Variants in ZFPM2 observed in about 807,000 individuals in gnomAD.
ZFPM2 encodes zinc finger protein, FOG family member 2.
Under a neutral mutation model 98.6 loss-of-function variants are expected in ZFPM2, and 20 were observed. The ratio of observed to expected loss-of-function variants is 0.20; its 90% CI spans 0.14 to 0.29. The LOEUF is 0.29. Among genes scored for constraint, ZFPM2 ranks in the 10% least tolerant of loss-of-function variants. The pLI is 1.00. For synonymous variants in ZFPM2, 518 were observed against 502.7 expected, an observed-to-expected ratio of 1.03 and a Z score of -0.41; for missense variants, 1,310 against 1,388.6, an observed-to-expected ratio of 0.94 and a Z score of 0.90.
At chr8:105,372,035 ATTATTATTATTATTT>A (rs995625809) in intron 1 of ZFPM2, among the ~76,000 whole-genome samples, 2 of 63,278 alleles carry the variant, frequency 3.2e-5, no homozygotes, top group African/African-American at 1.1e-4. Flanking sequence ...TATTATTATT[ATTATTATTATTATTT>A]TATTTTTTTT....
At chr8:105,707,854 G>A (rs1811298621) in intron 5 of ZFPM2, among the ~76,000 whole-genome samples, 1 of 152,106 alleles carries the variant, frequency 6.6e-6, no homozygotes, top group African/African-American at 2.4e-5. Context: ...GGAGAGTAGA[G>A]GCACCTTACC....
At chr8:105,769,158 T>C (rs1344002592) in intron 5 of ZFPM2, among the ~76,000 whole-genome samples, 1 of 152,166 alleles carries the variant, frequency 6.6e-6, no homozygotes, top group Non-Finnish European at 1.5e-5. Context: ...TTTTGTTTAC[T>C]GTCTATCCTC....
chr8:105,325,449 C>CT (rs1421682525), intron 1 of ZFPM2, among the ~76,000 whole-genome samples: 1 of 151,690 alleles, frequency 6.6e-6, no homozygotes, highest in Non-Finnish European at 1.5e-5. Context: ...TTGTCTCTTG[C>CT]TTGTAGGGAT....
chr8:105,482,539 A>T (rs533183679), intron 3 of ZFPM2, among the ~76,000 whole-genome samples: 3 of 152,176 alleles, frequency 2.0e-5, no homozygotes, highest in East Asian at 3.9e-4. Context: ...GTCAACTTTT[A>T]AAAAATGTCT....
At chr8:105,638,072 ACTCT>A (rs142249930) in intron 5 of ZFPM2, among the ~76,000 whole-genome samples, 19,319 of 150,720 alleles carry the variant, frequency 0.13, 1,254 homozygotes, top group South Asian at 0.21. Context: ...TTGTCCCCAA[ACTCT>A]CTCTCTCTAT....
chr8:105,391,575 G>A (rs566858424), intron 1 of ZFPM2, among the ~76,000 whole-genome samples: 17 of 151,768 alleles, frequency 1.1e-4, no homozygotes, highest in African/African-American at 2.4e-4. Context: ...CTTATGCGTC[G>A]TCAATAATGT....
rs1813856496 is a variant in ZFPM2, at chr8:105,513,459, T to G, written c.302-47904T>G. 2.0e-5 allele frequency among the ~76,000 whole-genome samples: 3 copies of G among 152,308 alleles called. No homozygotes were observed. In the South Asian group the frequency reaches 6.2e-4, roughly 32 times the overall value. Reference sequence around the variant, plus strand: ...GGGGGAAAAGTCCCTTTCTTTCAGATCTCATGTACATCATCACGTCAGTAG... The same window carrying G: ...GGGGGAAAAGTCCCTTTCTTTCAGAGCTCATGTACATCATCACGTCAGTAG... On this transcript the variant is annotated intron_variant, in intron 3 of 7. Coordinates refer to ENST00000407775, the MANE Select transcript of ZFPM2 (RefSeq NM_012082.4).
At chr8:105,474,117 G>T (rs1264373241) in intron 3 of ZFPM2, among the ~76,000 whole-genome samples, 1 of 152,172 alleles carries the variant, frequency 6.6e-6, no homozygotes, top group Non-Finnish European at 1.5e-5. Context: ...CGAGGTTCTT[G>T]ACTACTGGAT....
At chr8:105,697,440 C>T (rs909639611) in intron 5 of ZFPM2, among the ~76,000 whole-genome samples, 3 of 152,070 alleles carry the variant, frequency 2.0e-5, no homozygotes, top group Admixed American at 6.6e-5. Context: ...TTAAAGACAG[C>T]TTATTAAAGG....
chr8:105,325,131 G>A (rs1003987091), intron 1 of ZFPM2, among the ~76,000 whole-genome samples: 5 of 151,782 alleles, frequency 3.3e-5, no homozygotes, highest in Non-Finnish European at 7.4e-5. Context: ...CTGCCACTGT[G>A]TAAAATTATC....
chr8:105,492,368 A>G (rs938177144), intron 3 of ZFPM2, among the ~76,000 whole-genome samples: 2 of 152,198 alleles, frequency 1.3e-5, no homozygotes, highest in Admixed American at 1.3e-4. Flanking sequence ...AATTGCTGCC[A>G]AAATCCCAGA....
At chr8:105,443,927 T>G (rs938384645) in intron 2 of ZFPM2, among the ~76,000 whole-genome samples, 14 of 152,172 alleles carry the variant, frequency 9.2e-5, no homozygotes, top group African/African-American at 3.4e-4. Context: ...AAAGTTATAA[T>G]TTGGAAATCA....
chr8:105,613,360 T>TATGAGTAATTACTATTAGAGTA (rs1816346246), intron 4 of ZFPM2, among the ~76,000 whole-genome samples: 1 of 151,872 alleles, frequency 6.6e-6, no homozygotes, highest in African/African-American at 2.4e-5. Context: ...TTATAGAAAA[T>TATGAGTAATTACTATTAGAGTA]ATGAGTAATT....
chr8:105,634,945 G>T (rs932678879), intron 5 of ZFPM2, among the ~76,000 whole-genome samples: 7 of 152,168 alleles, frequency 4.6e-5, no homozygotes, highest in Non-Finnish European at 8.8e-5. Context: ...CCCAGACTGT[G>T]TCATGTAGCT....
Position 105,526,661 on chromosome 8 carries a change from G to T in ZFPM2, c.302-34702G>T, listed in dbSNP as rs192029905. Among the ~76,000 whole-genome samples the T allele has an allele frequency of 2.0e-5, 3 of 152,226 alleles. No homozygotes were observed. In the South Asian group the frequency reaches 6.2e-4, roughly 32 times the overall value. ...AAAATCAGTATCCAACAAGCCACACGGTTGGGTAAAACGCTGATGGAAAAC... is the reference window on the plus strand; with the variant it reads ...AAAATCAGTATCCAACAAGCCACACTGTTGGGTAAAACGCTGATGGAAAAC... On this transcript the variant is annotated intron_variant, in intron 3 of 7. Transcript: ENST00000407775.
intron 5 of ZFPM2, among the ~76,000 whole-genome samples, chr8:105,663,656 G>A (rs1309565950): frequency 6.6e-6 from 1 of 152,172 alleles, no homozygotes; most frequent in Non-Finnish European, 1.5e-5. Context: ...CTCATTGAAT[G>A]TATGCGTCAG....
chr8:105,422,845 CAT>C (rs1434497303), intron 2 of ZFPM2, among the ~76,000 whole-genome samples: 1 of 152,088 alleles, frequency 6.6e-6, no homozygotes, highest in Non-Finnish European at 1.5e-5. Context: ...TAAAACCAAT[CAT>C]ATGTTATCAT....
chr8:105,592,401 A>T (rs1421117443), intron 4 of ZFPM2, among the ~76,000 whole-genome samples: 2 of 152,182 alleles, frequency 1.3e-5, no homozygotes, highest in African/African-American at 4.8e-5. Flanking sequence ...TTGAAACCCC[A>T]AAGTCTTTCA....
chr8:105,326,526 T>G (rs1042120891), intron 1 of ZFPM2, among the ~76,000 whole-genome samples: 1 of 151,738 alleles, frequency 6.6e-6, no homozygotes, highest in Admixed American at 6.6e-5. Context: ...CAATGCCATA[T>G]TCATTCCAAG....
Sources: allele counts gnomAD v4.1 joint callset (sites outside exome capture counted in the v4.1 genomes callset), GRCh38; gene constraint gnomAD v4.1.1; transcripts MANE v1.5; gene names NCBI Gene and HGNC (gene_info 2026-07-23, HGNC 2026-07-21).